GTF2F2: variants seen among roughly 807,000 people sequenced by gnomAD.
GTF2F2 encodes the protein general transcription factor IIF subunit 2, also known as ATP-dependent helicase GTF2F2.
A neutral mutation model predicts 42.2 loss-of-function variants in GTF2F2; 23 were observed. That is an observed-to-expected ratio of 0.55 (90% CI 0.39 to 0.77). The LOEUF (loss-of-function observed/expected upper bound fraction) is 0.77, where lower values mean the gene tolerates loss of function less well. GTF2F2 is among the 30% of genes least tolerant of loss of function. GTF2F2 has a pLI of 0.00. For missense variants in GTF2F2, 261 were observed against 287.2 expected, an observed-to-expected ratio of 0.91 and a Z score of 0.66; for synonymous variants, 105 against 100.8, an observed-to-expected ratio of 1.04 and a Z score of -0.25.
chr13:45,275,193 T>C (rs1463266613), intron 7 of GTF2F2, among the ~76,000 whole-genome samples: 1 of 152,192 alleles, frequency 6.6e-6, no homozygotes, highest in African/African-American at 2.4e-5. Context: ...GTTTTATCCA[T>C]GTTGTGGCAC....
chr13:45,280,847 C>T (rs769547956), intron 7 of GTF2F2, among the ~76,000 whole-genome samples: 1 of 152,152 alleles, frequency 6.6e-6, no homozygotes, highest in Non-Finnish European at 1.5e-5. Context: ...CTAAAATGCT[C>T]CTGGCAATTG....
chr13:45,266,727 G>A (rs1876575663), intron 6 of GTF2F2, among the ~76,000 whole-genome samples: 1 of 152,164 alleles, frequency 6.6e-6, no homozygotes, highest in South Asian at 2.1e-4. Context: ...AAAGTGACTG[G>A]AATTATTACT....
At chr13:45,184,862 G>C (rs948390479) in intron 4 of GTF2F2, among the ~76,000 whole-genome samples, 1 of 152,116 alleles carries the variant, frequency 6.6e-6, no homozygotes, top group Non-Finnish European at 1.5e-5. Flanking sequence ...GCCCAGGCAG[G>C]AAGTGCAGTG....
chr13:45,140,604 G>A (rs1459055650), intron 2 of GTF2F2, among the ~76,000 whole-genome samples: 1 of 152,100 alleles, frequency 6.6e-6, no homozygotes, highest in Non-Finnish European at 1.5e-5. Context: ...CATATTCCTG[G>A]AAAGTTGTAG....
intron 4 of GTF2F2, among the ~76,000 whole-genome samples, chr13:45,179,533 C>T (rs1872046250): frequency 6.6e-6 from 1 of 152,054 alleles, no homozygotes; most frequent in Non-Finnish European, 1.5e-5. Flanking sequence ...GGTATATAGT[C>T]CTTTGGGATT....
intron 5 of GTF2F2, among the ~76,000 whole-genome samples, chr13:45,233,337 A>G (rs574254075): frequency 1.3e-5 from 2 of 152,338 alleles, no homozygotes; most frequent in Admixed American, 6.5e-5. Flanking sequence ...TCTCATTTTG[A>G]TCTGTATAAA....
intron 5 of GTF2F2, among the ~76,000 whole-genome samples, chr13:45,230,817 A>G (rs1874638170): frequency 6.6e-6 from 1 of 152,222 alleles, no homozygotes; most frequent in South Asian, 2.1e-4. Context: ...ATCTTTTGTT[A>G]ATTCCTACAC....
At chr13:45,168,577 C>A (rs1871414598) in intron 4 of GTF2F2, among the ~76,000 whole-genome samples, 1 of 152,112 alleles carries the variant, frequency 6.6e-6, no homozygotes, top group Admixed American at 6.5e-5. Context: ...ATTTTTCCAA[C>A]CCTCAGTGTT....
chr13:45,124,081 C>G, intron 1 of GTF2F2: 1 of 919,966 alleles, frequency 1.1e-6, no homozygotes. Context: ...CATTGTCTTA[C>G]CAGGAAATGA....
intron 2 of GTF2F2, among the ~76,000 whole-genome samples, chr13:45,138,322 G>A (rs1189270959): frequency 1.3e-5 from 2 of 152,152 alleles, no homozygotes; most frequent in Admixed American, 6.5e-5. Context: ...TCTGCCCTCC[G>A]TGGAGGCACC....
intron 5 of GTF2F2, among the ~76,000 whole-genome samples, chr13:45,246,590 G>T (rs565050915): frequency 1.1e-4 from 17 of 152,272 alleles, no homozygotes; most frequent in South Asian, 2.1e-4. Flanking sequence ...TCTGCAAATA[G>T]TAGCCAGAGG....
At chr13:45,143,898 T>C (rs975592055) in intron 2 of GTF2F2, among the ~76,000 whole-genome samples, 1 of 152,180 alleles carries the variant, frequency 6.6e-6, no homozygotes. Context: ...TCTAAACCAA[T>C]GTACCTGGAT....
intron 5 of GTF2F2, among the ~76,000 whole-genome samples, chr13:45,243,064 A>C (rs1293968698): frequency 6.6e-6 from 1 of 152,202 alleles, no homozygotes; most frequent in African/African-American, 2.4e-5. Flanking sequence ...CTTTTCACAA[A>C]GTGTAATAAT....
chr13:45,198,471 A>G (rs185101253), intron 4 of GTF2F2, among the ~76,000 whole-genome samples: 3 of 152,334 alleles, frequency 2.0e-5, no homozygotes, highest in Admixed American at 1.3e-4. Flanking sequence ...ACACTCTTCA[A>G]GGAAAAGGAA....
At chr13:45,276,718 G>C (rs1281517634) in intron 7 of GTF2F2, among the ~76,000 whole-genome samples, 3 of 152,194 alleles carry the variant, frequency 2.0e-5, no homozygotes, top group Non-Finnish European at 4.4e-5. Flanking sequence ...TGGGATTACA[G>C]GCATGAGCCA....
At chr13:45,223,262 T>TAAAAAAA (rs60690884) in intron 5 of GTF2F2, among the ~76,000 whole-genome samples, 48 of 96,274 alleles carry the variant, frequency 5.0e-4, no homozygotes, top group African/African-American at 1.2e-3. Flanking sequence ...CTTGTCTCAA[T>TAAAAAAA]AAAAAAAAAA....
chr13:45,217,203 G>T (rs1385390444), intron 5 of GTF2F2, among the ~76,000 whole-genome samples: 1 of 151,358 alleles, frequency 6.6e-6, no homozygotes, highest in Non-Finnish European at 1.5e-5. Context: ...GGAGGTTGAG[G>T]CAGAGAATTG....
intron 4 of GTF2F2, among the ~76,000 whole-genome samples, chr13:45,175,299 TTCCA>T (rs1333686415): frequency 6.6e-6 from 1 of 152,192 alleles, no homozygotes; most frequent in Admixed American, 6.5e-5. Context: ...CTGAATAGTA[TTCCA>T]TTGTGTATAT....
At chr13:45,271,740 TG>T (rs1441026448) in intron 7 of GTF2F2, among the ~76,000 whole-genome samples, 2 of 152,038 alleles carry the variant, frequency 1.3e-5, no homozygotes, top group Non-Finnish European at 2.9e-5. Flanking sequence ...TTAGTAGAGA[TG>T]GGGTTTTGCC....
Sources: allele counts gnomAD v4.1 joint callset (sites outside exome capture counted in the v4.1 genomes callset), GRCh38; gene constraint gnomAD v4.1.1; transcripts MANE v1.5; gene names NCBI Gene and HGNC (gene_info 2026-07-23, HGNC 2026-07-21).